SH3BP4: variants seen among roughly 807,000 people sequenced by gnomAD.
SH3BP4 encodes the protein SH3 domain-binding protein 4.
In SH3BP4, 33 loss-of-function variants were observed where a neutral mutation model predicts 65.5. The ratio of observed to expected loss-of-function variants is 0.50; its 90% CI spans 0.38 to 0.67. SH3BP4 has a LOEUF of 0.67. SH3BP4 is among the 30% of genes least tolerant of loss of function. The pLI is 0.00. For synonymous variants in SH3BP4, 552 were observed against 545.5 expected (o/e 1.01, Z -0.17); for missense variants, 1,134 against 1,261.4 (o/e 0.90, Z 1.53).
Position 235,035,843 on chromosome 2 carries a change from C to T in SH3BP4, c.118+723C>T, listed in dbSNP as rs1353240112. ...TTTTCTTCCTGCACATCTGCCCTAA[C>T]CTAGGCCACGTTCAGTCTCTCTCAC... On this transcript the variant is annotated intron_variant, in intron 3 of 5. Coordinates refer to ENST00000392011, the MANE Select transcript of SH3BP4 (RefSeq NM_014521.3). The surrounding 1 kb of genome is among the most constrained non-coding windows in gnomAD (Gnocchi z 5.0). Among the ~76,000 whole-genome samples the T allele has an allele frequency of 1.3e-5, 2 of 152,216 alleles. No individual in the cohort carries two copies. The highest frequency in any genetic ancestry group is 2.4e-5 in the African/African-American group (1 of 41,444).
intron 3 of SH3BP4, among the ~76,000 whole-genome samples, chr2:235,037,703 G>C (rs1695430636): frequency 6.6e-6 from 1 of 152,148 alleles, no homozygotes; most frequent in Non-Finnish European, 1.5e-5. Flanking sequence ...GACATTTCCA[G>C]TAGATTGTGT....
chr2:235,052,584 AG>A lies in SH3BP4; in HGVS notation c.2504del (p.Gly835AlafsTer13). 1 of 1,551,450 alleles carries A rather than the reference AG, an allele frequency of 6.4e-7. No individual in the cohort carries two copies. The highest frequency in any genetic ancestry group is 8.7e-7 in the Non-Finnish European group (1 of 1,147,024). On this transcript the variant is annotated frameshift_variant, in exon 5 of 6. Coordinates refer to ENST00000392011, the MANE Select transcript of SH3BP4 (RefSeq NM_014521.3). LOFTEE classifies it high-confidence loss of function. This position sits in a 1 kb window ranked among gnomAD's most constrained non-coding sequence, Gnocchi z 5.0. ...LVMALLKMDC[Q>X]GLVVRLIQDF... ...CAGGCCCTACTGAAGATGGACTGCCAGGGCCTGGTGGTCAGACTCATCCAGG... is the reference window on the plus strand; with the variant it reads ...CAGGCCCTACTGAAGATGGACTGCCAGGCCTGGTGGTCAGACTCATCCAGG...
intron 2 of SH3BP4, among the ~76,000 whole-genome samples, chr2:235,016,450 G>A (rs187709178): frequency 7.2e-5 from 11 of 152,230 alleles, no homozygotes; most frequent in Admixed American, 3.3e-4. Context: ...ATGCTAAGCT[G>A]GGCCTGGGGA....
chr2:234,980,713 C>G (rs1693351593), intron 1 of SH3BP4, among the ~76,000 whole-genome samples: 1 of 152,256 alleles, frequency 6.6e-6, no homozygotes, highest in South Asian at 2.1e-4. Flanking sequence ...GCTCCCCTCC[C>G]TCAATATTGT....
intron 2 of SH3BP4, among the ~76,000 whole-genome samples, chr2:235,028,082 A>G (rs1274872454): frequency 1.3e-5 from 2 of 152,146 alleles, no homozygotes; most frequent in Non-Finnish European, 2.9e-5. Flanking sequence ...GTTCCTGGGG[A>G]GGAGCCAAGA....
chr2:235,010,389 G>C (rs934533502), intron 2 of SH3BP4, among the ~76,000 whole-genome samples: 1 of 152,176 alleles, frequency 6.6e-6, no homozygotes, highest in Admixed American at 6.5e-5. Flanking sequence ...AGAACTACTC[G>C]GTCCAGCTGT....
At chr2:234,970,073 ACT>A (rs141835277) in intron 1 of SH3BP4, among the ~76,000 whole-genome samples, 25,386 of 148,448 alleles carry the variant, frequency 0.17, 2,482 homozygotes, top group Non-Finnish European at 0.22. Flanking sequence ...ACACACTCAC[ACT>A]GTCACTCACA....
intron 1 of SH3BP4, among the ~76,000 whole-genome samples, chr2:234,972,681 A>G (rs2106248675): frequency 6.6e-6 from 1 of 152,318 alleles, no homozygotes; most frequent in South Asian, 2.1e-4. Context: ...AGCTGTGATC[A>G]TGCTGCTGCA....
intron 1 of SH3BP4, among the ~76,000 whole-genome samples, chr2:234,992,284 C>T (rs1574799465): frequency 1.3e-5 from 2 of 152,266 alleles, no homozygotes; most frequent in South Asian, 2.1e-4. Flanking sequence ...TGGGCAGCAG[C>T]GAGGATGGCG....
chr2:234,962,723 A>C (rs1227319581), intron 1 of SH3BP4, among the ~76,000 whole-genome samples: 1 of 151,902 alleles, frequency 6.6e-6, no homozygotes, highest in Non-Finnish European at 1.5e-5. Context: ...TTTTTCAATA[A>C]GTATTTATTG....
chr2:235,002,247 C>T (rs1379022346), intron 2 of SH3BP4, among the ~76,000 whole-genome samples: 1 of 152,192 alleles, frequency 6.6e-6, no homozygotes, highest in Non-Finnish European at 1.5e-5. Context: ...TGTTACTATA[C>T]AGGATTTGAA....
Position 234,952,104 on chromosome 2 carries a change from C to A in SH3BP4, c.-273C>A. ...AGTCCCGCGGAGCCGCGCGCGCCCCCGGCTGGGCCGAGCCGCTGGCCGACG... is the reference window on the plus strand; with the variant it reads ...AGTCCCGCGGAGCCGCGCGCGCCCCAGGCTGGGCCGAGCCGCTGGCCGACG... On this transcript the variant is annotated 5_prime_UTR_variant, in exon 1 of 6. Coordinates refer to ENST00000392011, the MANE Select transcript of SH3BP4 (RefSeq NM_014521.3). The surrounding 1 kb of genome is among the most constrained non-coding windows in gnomAD (Gnocchi z 6.5). 1 of 148,624 alleles carries A rather than the reference C, an allele frequency of 6.7e-6. No homozygotes were observed. Among genetic ancestry groups the A allele is most frequent in the South Asian group, 1.8e-4 (1 of 5,550 alleles). 9.2% of individuals were successfully genotyped at this position (148,624 alleles called of 1,614,324 possible).
intron 1 of SH3BP4, among the ~76,000 whole-genome samples, chr2:234,959,236 G>A (rs561191424): frequency 6.6e-6 from 1 of 152,200 alleles, no homozygotes; most frequent in East Asian, 1.9e-4. Flanking sequence ...ACCTGGGTCT[G>A]CCTGTGTCCT....
chr2:235,007,903 A>T (rs966225612), intron 2 of SH3BP4, among the ~76,000 whole-genome samples: 1 of 152,198 alleles, frequency 6.6e-6, no homozygotes, highest in Non-Finnish European at 1.5e-5. Context: ...CAGAGCAGGG[A>T]TGGGCACCGG....
rs58751754 is a variant in SH3BP4 at position 235,014,265 on chromosome 2, A to G, written c.-133+18889A>G. The stretch of plus-strand genomic sequence containing the variant: ...ATGCCGGATACTTTGGGCTCTTAGG[A>G]AAGTCCACTCAGCGAGCGTGGAGGC... On this transcript the variant is annotated intron_variant, in intron 2 of 5. Coordinates refer to ENST00000392011, the MANE Select transcript of SH3BP4 (RefSeq NM_014521.3). Among the ~76,000 whole-genome samples, 625 of 152,242 alleles carry G rather than the reference A, an allele frequency of 4.1e-3. 3 individuals are homozygous for G. The highest frequency in any genetic ancestry group is 0.015 in the African/African-American group (606 of 41,534).
Position 235,035,341 on chromosome 2 carries a change from G to A in SH3BP4, c.118+221G>A, listed in dbSNP as rs1023605881. On this transcript the variant is annotated intron_variant, in intron 3 of 5. Transcript: ENST00000392011. This position sits in a 1 kb window ranked among gnomAD's most constrained non-coding sequence, Gnocchi z 5.0. Reference sequence around the variant, plus strand: ...TTAGTGAAACCCCTTCTTAATACAGGGTATGTTTCTTTTTACTTGATAAAA... The same window carrying A: ...TTAGTGAAACCCCTTCTTAATACAGAGTATGTTTCTTTTTACTTGATAAAA... Among the ~76,000 whole-genome samples the A allele has an allele frequency of 9.9e-5, 15 of 152,096 alleles. No individual in the cohort carries two copies. The highest frequency in any genetic ancestry group is 3.4e-4 in the African/African-American group (14 of 41,398).
intron 2 of SH3BP4, among the ~76,000 whole-genome samples, chr2:235,016,902 T>C (rs936693309): frequency 2.6e-5 from 4 of 152,188 alleles, no homozygotes; most frequent in African/African-American, 9.6e-5. Context: ...TTTCTGTCTA[T>C]GGGGGATGGG....
intron 1 of SH3BP4, among the ~76,000 whole-genome samples, chr2:234,969,395 G>T (rs1214854141): frequency 1.3e-5 from 2 of 152,142 alleles, no homozygotes; most frequent in Admixed American, 1.3e-4. Flanking sequence ...GCCCTGGGAC[G>T]TCCCAGTGTG....
At chr2:235,012,971 G>A (rs191325388) in intron 2 of SH3BP4, among the ~76,000 whole-genome samples, 152 of 152,332 alleles carry the variant, frequency 1.0e-3, no homozygotes, top group African/African-American at 3.0e-3. Flanking sequence ...GCCGGACGCC[G>A]AATGTGCACG....
Sources: gnomAD v4.1 joint callset for allele counts (sites outside exome capture counted in the v4.1 genomes callset) on GRCh38, gnomAD v4.1.1 for gene constraint, Gnocchi (gnomAD v3.1) non-coding constraint, MANE v1.5 for transcripts, NCBI Gene and HGNC (gene_info 2026-07-23, HGNC 2026-07-21) for gene names.